The following FMO2 variants were observed in gnomAD, a reference collection of about 807,000 sequenced individuals.
FMO2 encodes the protein flavin containing dimethylaniline monoxygenase 2.
Under a neutral mutation model 41.6 loss-of-function variants are expected in FMO2, and 33 were observed. That is an observed-to-expected ratio of 0.79 (90% CI 0.60 to 1.06). FMO2 has a LOEUF of 1.06. Ranked by LOEUF, FMO2 falls within the 50% of genes least tolerant of loss-of-function variation. The pLI, the probability that FMO2 is intolerant of heterozygous loss-of-function variation, is 0.00. For missense variants in FMO2, 619 were observed against 632.9 expected (o/e 0.98, Z 0.23); for synonymous variants, 214 against 219.6 (o/e 0.97, Z 0.23).
At chr1:171,198,210 GAA>G (rs757287551) in intron 4 of FMO2, among the ~76,000 whole-genome samples, 2 of 152,092 alleles carry the variant, frequency 1.3e-5, no homozygotes, top group Non-Finnish European at 2.9e-5. Context: ...GGACACAGAA[GAA>G]GCTTGTCTGT....
intron 7 of FMO2, among the ~76,000 whole-genome samples, chr1:171,207,179 T>C (rs182559570): frequency 6.6e-6 from 1 of 152,264 alleles, no homozygotes; most frequent in East Asian, 1.9e-4. Flanking sequence ...GGGCAGGCGA[T>C]GGAGTCATGA....
intron 7 of FMO2, chr1:171,207,465 TC>T: frequency 2.7e-6 from 1 of 370,596 alleles, no homozygotes; most frequent in Non-Finnish European, 4.8e-6. Context: ...GCTGCCAGGC[TC>T]CCAGACACAC....
chr1:171,209,020 A>G lies in FMO2; in HGVS notation c.1483A>G (p.Ile495Val). ...RNAIFTQKQR[I>V]LKPLKTRALK... is the part of the protein sequence containing the mutation. ...TGCCATCTTCACCCAGAAACAAAGA[A>G]TACTGAAGCCACTCAAGACTCGGGC... is the stretch of plus-strand genomic sequence containing the variant. Residue 495 changes from isoleucine (I) to valine (V), a missense_variant, in exon 9 of 9, where the codon ATA becomes GTA. By Grantham distance (29) the Ile-to-Val change is conservative. Coordinates refer to ENST00000209929, the MANE Select transcript of FMO2 (RefSeq NM_001460.5). 1.4e-6 allele frequency: 2 copies of G among 1,462,990 alleles called. No homozygotes were observed. The highest frequency in any genetic ancestry group is 1.9e-6 in the Non-Finnish European group (2 of 1,060,750). 90.6% of individuals were successfully genotyped at this position (1,462,990 alleles called of 1,614,324 possible). A position where few individuals can be genotyped will look rare whatever the true frequency, so the allele number is the denominator to read the frequency against.
At chr1:171,200,920 C>G (rs1044140936) in intron 5 of FMO2, among the ~76,000 whole-genome samples, 1 of 152,122 alleles carries the variant, frequency 6.6e-6, no homozygotes, top group African/African-American at 2.4e-5. Flanking sequence ...GCTAATATAG[C>G]AGTCAGCCAA....
At chr1:171,207,429 G>A (rs1326680152) in intron 7 of FMO2, 8 of 295,930 alleles carry the variant, frequency 2.7e-5, no homozygotes, top group Non-Finnish European at 3.1e-5. Flanking sequence ...GTCACCTTCA[G>A]GATAGAGCCC....
intron 4 of FMO2, 111 bp downstream of exon 4, chr1:171,196,922 A>G (rs987862777): frequency 7.7e-6 from 7 of 904,226 alleles, no homozygotes; most frequent in South Asian, 3.3e-5. Flanking sequence ...ACTTGGCTCA[A>G]TAAGATTGAG....
Position 171,203,962 on chromosome 1 carries a change from T to G in FMO2, c.725T>G (p.Met242Arg), listed in dbSNP as rs759932973. ...GTGTTCCACACCCGGTTTCGTTCTA[T>G]GCTCCGCAATGTACTGCCACGAACA... ...DSVFHTRFRS[M>R]LRNVLPRTAV... The change falls in exon 6 of 9, where the codon ATG becomes AGG. Residue 242 changes from methionine (M) to arginine (R), a missense_variant. Met to Arg is a moderately conservative substitution (Grantham distance 91, BLOSUM62 -1). Coordinates refer to ENST00000209929, the MANE Select transcript of FMO2 (RefSeq NM_001460.5). 6.2e-7 allele frequency: 1 copy of G among 1,613,808 alleles called. No homozygotes were observed. The highest frequency in any genetic ancestry group is 1.1e-5 in the South Asian group (1 of 91,074).
chr1:171,203,793 T>C (rs2102008505), intron 5 of FMO2, 72 bp from the exon 6 acceptor site: 4 of 1,308,492 alleles, frequency 3.1e-6, no homozygotes, highest in Middle Eastern at 4.8e-4. Context: ...ATGTGATACA[T>C]GACCTTCATA....
At chr1:171,188,301 C>A (rs28369811) in intron 2 of FMO2, among the ~76,000 whole-genome samples, 2 of 152,036 alleles carry the variant, frequency 1.3e-5, no homozygotes, top group African/African-American at 2.4e-5. Flanking sequence ...TATCCTTTTG[C>A]CAGTATCTAA....
intron 2 of FMO2, among the ~76,000 whole-genome samples, chr1:171,192,360 A>C (rs918689861): frequency 6.6e-6 from 1 of 152,206 alleles, no homozygotes; most frequent in African/African-American, 2.4e-5. Flanking sequence ...TAACAATAAT[A>C]CCATACTACA....
At position 171,212,327 on chromosome 1, in the gene FMO2, G is replaced by A. The variant is rs1013520430; in HGVS notation, c.*3182G>A. 8.5e-5 allele frequency among the ~76,000 whole-genome samples: 13 copies of A among 152,058 alleles called. No individual in the cohort carries two copies. The highest frequency in any genetic ancestry group is 3.9e-4 in the Admixed American group (6 of 15,266). The stretch of plus-strand genomic sequence containing the variant: ...TGCCGTGGGTGGACACAGCAAGAAG[G>A]CCCTCATCAGATGCTGGCCCCTTGG... On this transcript the variant is annotated 3_prime_UTR_variant, in exon 9 of 9. Transcript: ENST00000209929.
chr1:171,200,362 C>A (rs910866407), intron 5 of FMO2, among the ~76,000 whole-genome samples: 5 of 152,078 alleles, frequency 3.3e-5, no homozygotes, highest in Admixed American at 1.3e-4. Flanking sequence ...AAGGACAGAC[C>A]CAGGCAAAGA....
intron 6 of FMO2, among the ~76,000 whole-genome samples, chr1:171,204,343 T>C (rs1209857751): frequency 5.3e-5 from 8 of 152,192 alleles, no homozygotes; most frequent in Non-Finnish European, 1.0e-4. Flanking sequence ...TGGAGAAAAC[T>C]GTTTCAAGAG....
intron 8 of FMO2, 140 bp downstream of exon 8, chr1:171,207,930 T>A: frequency 3.2e-6 from 2 of 619,398 alleles, no homozygotes; most frequent in Non-Finnish European, 5.8e-6. Context: ...AGAAACTCCG[T>A]GTGTGAGGCT....
chr1:171,190,050 G>C (rs1344107388), intron 2 of FMO2, among the ~76,000 whole-genome samples: 1 of 151,916 alleles, frequency 6.6e-6, no homozygotes, highest in East Asian at 1.9e-4. Context: ...GATTGGTAAG[G>C]GTCAATATAA....
chr1:171,196,209 A>T (rs1392036522), intron 3 of FMO2, among the ~76,000 whole-genome samples: 1 of 152,226 alleles, frequency 6.6e-6, no homozygotes, highest in Middle Eastern at 3.2e-3. Context: ...ATGGGGAAAA[A>T]ATACAATTAC....
intron 5 of FMO2, 111 bp downstream of exon 5, chr1:171,199,599 G>C: frequency 1.0e-6 from 1 of 994,934 alleles, no homozygotes; most frequent in Non-Finnish European, 1.4e-6. Context: ...TAGTTGGTTG[G>C]TAGCGCATTG....
chr1:171,208,843 T>C lies in FMO2; in HGVS notation c.1306T>C (p.Leu436=), dbSNP rs1351788199. 6.2e-7 allele frequency: 1 copy of C among 1,614,018 alleles called. No individual in the cohort carries two copies. The highest frequency in any genetic ancestry group is 8.5e-7 in the Non-Finnish European group (1 of 1,179,888). ...GTTGCAGACCAATTATGTTGACTAC[T>C]TGGACGAGCTCGCCTTAGAGATAGG... is the stretch of plus-strand genomic sequence containing the variant. The part of the protein sequence containing the change: ...QTLQTNYVDY[L]DELALEIGAK... Residue 436 remains leucine (L), a synonymous_variant, in exon 9 of 9, where the codon TTG becomes CTG. Transcript: ENST00000209929.
At chr1:171,201,955 G>A (rs1180167811) in intron 5 of FMO2, among the ~76,000 whole-genome samples, 2 of 152,090 alleles carry the variant, frequency 1.3e-5, no homozygotes, top group Non-Finnish European at 2.9e-5. Flanking sequence ...GACACGTGGG[G>A]ATTATTATAA....
Sources: gnomAD v4.1 joint callset for allele counts (sites outside exome capture counted in the v4.1 genomes callset) on GRCh38, gnomAD v4.1.1 for gene constraint, MANE v1.5 for transcripts, NCBI Gene and HGNC (gene_info 2026-07-23, HGNC 2026-07-21) for gene names.